GEMIN5: variants seen among roughly 807,000 people sequenced by gnomAD.
The protein encoded by GEMIN5 is gem nuclear organelle associated protein 5, also known as gem-associated protein 5.
Under a neutral mutation model 176.9 loss-of-function variants are expected in GEMIN5, and 124 were observed. The observed-to-expected ratio is 0.70, with a 90% CI of 0.61 to 0.81. The LOEUF is 0.81. GEMIN5 is among the 40% of genes least tolerant of loss of function. The probability of loss-of-function intolerance (pLI) is 0.00; values close to 1 mark genes in which losing one functional copy is unlikely to be tolerated. For synonymous variants in GEMIN5, 673 were observed against 665.2 expected, an observed-to-expected ratio of 1.01 and a Z score of -0.18; for missense variants, 1,843 against 1,814.6, an observed-to-expected ratio of 1.02 and a Z score of -0.28.
chr5:154,918,026 T>A (rs374221615), intron 11 of GEMIN5, 22 bp from the exon 12 acceptor site: 2 of 1,504,074 alleles, frequency 1.3e-6, no homozygotes, highest in Non-Finnish European at 1.9e-6. Context: ...AACAAACCAA[T>A]CTTGACTATA....
chr5:154,901,856 G>A (rs74794389), intron 20 of GEMIN5, among the ~76,000 whole-genome samples: 19,057 of 151,748 alleles, frequency 0.13, 1,255 homozygotes, highest in South Asian at 0.23. Flanking sequence ...CTGGAGCGCA[G>A]TAGCACAATA....
At chr5:154,904,472 G>A in intron 18 of GEMIN5, 35 bp downstream of exon 18, 5 of 1,594,788 alleles carry the variant, frequency 3.1e-6, no homozygotes, top group Non-Finnish European at 4.3e-6. Flanking sequence ...AGTCCCGGAA[G>A]ACTATGGATG....
rs1763220082 is a variant in GEMIN5, at chr5:154,891,295, T to C, written c.4208A>G (p.Lys1403Arg). 6.2e-7 allele frequency: 1 copy of C among 1,614,120 alleles called. No individual in the cohort carries two copies. The highest frequency in any genetic ancestry group is 1.7e-5 in the Admixed American group (1 of 60,014). ...LCKSTANGPD[K>R]NEPEVEAEQP... ...CTCTGCTTCTACTTCCGGTTCATTC[T>C]TATCAGGACCATTTGCTGTGGATTT... is the stretch of plus-strand genomic sequence containing the variant. Residue 1403 changes from lysine to arginine, a missense_variant, in exon 26 of 28, where the codon AAG (lysine) becomes AGG (arginine). Transcript: ENST00000285873.
intron 13 of GEMIN5, among the ~76,000 whole-genome samples, chr5:154,915,955 T>C (rs920188352): frequency 1.6e-4 from 24 of 151,996 alleles, no homozygotes; most frequent in African/African-American, 5.3e-4. Flanking sequence ...ACTACTTAAA[T>C]TGTAAAAAAA....
At chr5:154,893,149 C>CTTT (rs746089168) in intron 24 of GEMIN5, among the ~76,000 whole-genome samples, 17 of 150,178 alleles carry the variant, frequency 1.1e-4, no homozygotes, top group Non-Finnish European at 2.2e-4. Context: ...GAACTAAAAG[C>CTTT]TGTAATTAAA....
rs750658301 is a variant in GEMIN5 at position 154,889,396 on chromosome 5, T to A, written c.4284A>T (p.Pro1428=). Residue 1428 remains proline (P), a synonymous_variant, in exon 27 of 28, where the codon CCA becomes CCT. Transcript: ENST00000285873. ...TTTTGGTTAACTCAGGCAGAGAAAG[T>A]GGCTCATTTTTTTCTTCTTTACTAG... ...QSQCKEEKNE[P]LSLPELTKRL... The A allele has an allele frequency of 7.5e-6, 12 of 1,608,864 alleles. No homozygotes were observed. Among genetic ancestry groups the A allele is most frequent in the Middle Eastern group, 3.3e-4 (2 of 6,068 alleles).
Position 154,938,114 on chromosome 5 carries a change from G to A in GEMIN5, c.20C>T (p.Thr7Met). Residue 7 changes from threonine to methionine, a missense_variant, in exon 1 of 28, where the codon ACG (threonine) becomes ATG (methionine). By Grantham distance (81) the Thr-to-Met change is moderately conservative (BLOSUM62 -1). Coordinates refer to ENST00000285873, the MANE Select transcript of GEMIN5 (RefSeq NM_015465.5). ...GTACCAGTTGGGGGAGGGCGGCAGC[G>A]TCCGCGGCTCCTGCCCCATAACTAC... is the stretch of plus-strand genomic sequence containing the variant. MGQEPR[T>M]LPPSPNWYCA... is the part of the protein sequence containing the mutation. 7.1e-7 allele frequency: 1 copy of A among 1,405,990 alleles called. No individual in the cohort carries two copies. The highest frequency in any genetic ancestry group is 9.3e-7 in the Non-Finnish European group (1 of 1,076,534). The allele number at this position is 1,405,990 out of a possible 1,614,324, so 87.1% of individuals were successfully genotyped here. A position where few individuals can be genotyped will look rare whatever the true frequency, so the allele number is the denominator to read the frequency against.
In GEMIN5 at chr5:154,924,526, C is replaced by A. The variant is rs1453843476; in HGVS notation, c.1322G>T (p.Cys441Phe). The change falls in exon 9 of 28, where the codon TGC (cysteine) becomes TTC (phenylalanine). Residue 441 changes from cysteine (C) to phenylalanine (F), a missense_variant. Cys to Phe is a radical substitution (Grantham distance 205, BLOSUM62 -2). Coordinates refer to ENST00000285873, the MANE Select transcript of GEMIN5 (RefSeq NM_015465.5). ...ALCWHPTKEGCLAFGTDDGKV... is the reference protein window; with the variant it reads ...ALCWHPTKEGFLAFGTDDGKV... The stretch of plus-strand genomic sequence containing the variant: ...TCCATCATCAGTTCCAAAAGCTAAG[C>A]AACCTTCCTTGGTTGGGTGCCAGCA... The A allele has an allele frequency of 1.2e-6, 2 of 1,612,486 alleles. No individual in the cohort carries two copies. The highest frequency in any genetic ancestry group is 1.7e-6 in the Non-Finnish European group (2 of 1,178,740).
rs866873924 is a variant in GEMIN5 at position 154,938,092 on chromosome 5, C to T, written c.42G>A (p.Trp14Ter). 2 of 1,480,998 alleles carry T rather than the reference C, an allele frequency of 1.4e-6. No individual in the cohort carries two copies. Among genetic ancestry groups the T allele is most frequent in the South Asian group, 1.3e-5 (1 of 74,602 alleles). 91.7% of individuals were successfully genotyped at this position (1,480,998 alleles called of 1,614,324 possible). The part of the protein sequence containing the change: ...EPRTLPPSPN[W>*]YCARCSDAVP... ...CGGCATCGCTGCAGCGGGCGCAGTA[C>T]CAGTTGGGGGAGGGCGGCAGCGTCC... The change falls in exon 1 of 28, where the codon TGG (tryptophan) becomes TGA (stop). Residue 14 changes from tryptophan to a stop codon, truncating the protein, a stop_gained. Transcript: ENST00000285873. LOFTEE classifies it high-confidence loss of function.
At chr5:154,899,798 T>G (rs1763428681) in intron 21 of GEMIN5, among the ~76,000 whole-genome samples, 1 of 152,140 alleles carries the variant, frequency 6.6e-6, no homozygotes, top group Admixed American at 6.6e-5. Flanking sequence ...ACTTTAATAT[T>G]CTGTGTGACA....
At chr5:154,911,042 G>C (rs1423377609) in intron 15 of GEMIN5, among the ~76,000 whole-genome samples, 4 of 152,104 alleles carry the variant, frequency 2.6e-5, no homozygotes, top group Non-Finnish European at 5.9e-5. Flanking sequence ...TGGTCAGTGG[G>C]AACCTCTTCA....
At chr5:154,898,058 G>A (rs750094337) in intron 23 of GEMIN5, among the ~76,000 whole-genome samples, 2 of 151,718 alleles carry the variant, frequency 1.3e-5, no homozygotes, top group African/African-American at 4.8e-5. Flanking sequence ...GTGCCACCAC[G>A]CTCGGCTAAT....
chr5:154,922,595 A>G (rs1763946553), intron 9 of GEMIN5, among the ~76,000 whole-genome samples: 1 of 152,164 alleles, frequency 6.6e-6, no homozygotes, highest in African/African-American at 2.4e-5. Flanking sequence ...TATAATAACC[A>G]GGATATAATA....
chr5:154,934,546 AG>A (rs1203057514), intron 3 of GEMIN5, among the ~76,000 whole-genome samples: 1 of 152,088 alleles, frequency 6.6e-6, no homozygotes, highest in Non-Finnish European at 1.5e-5. Flanking sequence ...TCCTGACCTC[AG>A]GTGATCCACC....
intron 2 of GEMIN5, among the ~76,000 whole-genome samples, chr5:154,936,651 T>C (rs1366161325): frequency 6.6e-6 from 1 of 152,208 alleles, no homozygotes; most frequent in Non-Finnish European, 1.5e-5. Context: ...ATTTACAGTC[T>C]ATATCAGGAG....
chr5:154,916,219 T>G (rs140936760), intron 13 of GEMIN5, among the ~76,000 whole-genome samples: 1 of 152,088 alleles, frequency 6.6e-6, no homozygotes. Flanking sequence ...GCAAGATAGA[T>G]CCTTGTGTAC....
Position 154,937,326 on chromosome 5 carries a change from A to G in GEMIN5, c.167-141T>C, listed in dbSNP as rs1317785423. On this transcript the variant is annotated intron_variant, in intron 1 of 27. Coordinates refer to ENST00000285873, the MANE Select transcript of GEMIN5 (RefSeq NM_015465.5). ...ATAACTGAAACACCGACGGACTTACACTCAGAATTCCCAAGTGCTGATATT... is the reference window on the plus strand; with the variant it reads ...ATAACTGAAACACCGACGGACTTACGCTCAGAATTCCCAAGTGCTGATATT... 1.9e-5 allele frequency: 13 copies of G among 677,842 alleles called. No individual in the cohort carries two copies. The African/African-American group carries it at 2.3e-4, about 12-fold the overall frequency. 42.0% of individuals were successfully genotyped at this position (677,842 alleles called of 1,614,324 possible). A position where few individuals can be genotyped will look rare whatever the true frequency, so the allele number is the denominator to read the frequency against.
At chr5:154,911,597 T>C (rs1763700669) in intron 15 of GEMIN5, 130 bp downstream of exon 15, 1 of 692,862 alleles carries the variant, frequency 1.4e-6, no homozygotes. Context: ...GCTGCTTTCT[T>C]GCTTAGGCTC....
Position 154,912,691 on chromosome 5 carries a change from C to T in GEMIN5, c.1995+208G>A, listed in dbSNP as rs569619769. 5.8e-4 allele frequency among the ~76,000 whole-genome samples: 87 copies of T among 150,924 alleles called. 1 individual carries two copies. Among genetic ancestry groups the T allele is most frequent in the Non-Finnish European group, 1.0e-3 (68 of 67,886 alleles). ...TAGCTAGCTCCTATCAATACTTTCC[C>T]CTTCATCTAAGTAACAAAAAAAAAA... On this transcript the variant is annotated intron_variant, in intron 14 of 27. Transcript: ENST00000285873.
Sources: allele counts gnomAD v4.1 joint callset (sites outside exome capture counted in the v4.1 genomes callset), GRCh38; gene constraint gnomAD v4.1.1; transcripts MANE v1.5; gene names NCBI Gene and HGNC (gene_info 2026-07-23, HGNC 2026-07-21).